GAS7: variants seen among roughly 807,000 people sequenced by gnomAD.
The protein encoded by GAS7 is growth arrest-specific protein 7.
A neutral mutation model predicts 71.1 loss-of-function variants in GAS7; 28 were observed. The ratio of observed to expected loss-of-function variants is 0.39; its 90% CI spans 0.29 to 0.54. The LOEUF (loss-of-function observed/expected upper bound fraction) is 0.54, where lower values mean the gene tolerates loss of function less well. Among genes scored for constraint, GAS7 ranks in the 20% least tolerant of loss-of-function variants. GAS7 has a pLI of 0.62. For missense variants in GAS7, 436 were observed against 627.8 expected (o/e 0.69, Z 3.27); for synonymous variants, 258 against 245.8 (o/e 1.05, Z -0.46).
intron 1 of GAS7, among the ~76,000 whole-genome samples, chr17:10,035,498 C>T (rs1389713510): frequency 6.6e-6 from 1 of 152,188 alleles, no homozygotes; most frequent in African/African-American, 2.4e-5. Flanking sequence ...GGATAACAAG[C>T]ACCATCTCCC....
chr17:10,015,340 TAGAC>T (rs1567541029), intron 2 of GAS7, among the ~76,000 whole-genome samples: 1 of 152,018 alleles, frequency 6.6e-6, no homozygotes, highest in African/African-American at 2.4e-5. Flanking sequence ...GGAAGAAAGG[TAGAC>T]AGACAAAGAG....
intron 11 of GAS7, among the ~76,000 whole-genome samples, chr17:9,923,457 G>A (rs981974546): frequency 6.6e-6 from 1 of 151,834 alleles, no homozygotes; most frequent in South Asian, 2.1e-4. Context: ...AATGAAAAAC[G>A]ATTCATCTCC....
intron 2 of GAS7, among the ~76,000 whole-genome samples, chr17:10,010,887 C>A (rs1472739412): frequency 6.6e-6 from 1 of 152,214 alleles, no homozygotes; most frequent in African/African-American, 2.4e-5. Context: ...CTCAGCTCTA[C>A]AATCTCCGTG....
chr17:10,025,123 C>T (rs1004316574), intron 1 of GAS7, among the ~76,000 whole-genome samples: 5 of 152,030 alleles, frequency 3.3e-5, no homozygotes, highest in African/African-American at 9.7e-5. Flanking sequence ...TATCAGCTGG[C>T]GAGATGCAGT....
chr17:10,009,407 C>G (rs2071671321), intron 2 of GAS7, among the ~76,000 whole-genome samples: 1 of 151,044 alleles, frequency 6.6e-6, no homozygotes, highest in East Asian at 1.9e-4. Flanking sequence ...TGGGAATCCA[C>G]TCATTTAAAG....
intron 1 of GAS7, among the ~76,000 whole-genome samples, chr17:10,098,024 A>G (rs1000076600): frequency 6.8e-5 from 10 of 147,586 alleles, no homozygotes; most frequent in African/African-American, 2.1e-4. Flanking sequence ...AGCCCGGGTG[A>G]CAGAGCAAGA....
At chr17:10,046,346 C>A (rs1446525485) in intron 1 of GAS7, among the ~76,000 whole-genome samples, 1 of 151,324 alleles carries the variant, frequency 6.6e-6, no homozygotes, top group African/African-American at 2.4e-5. Flanking sequence ...CAGGAAATAA[C>A]TCATCCAATC....
At chr17:9,942,383 TGTGA>T (rs2068635010) in intron 7 of GAS7, among the ~76,000 whole-genome samples, 1 of 152,126 alleles carries the variant, frequency 6.6e-6, no homozygotes, top group South Asian at 2.1e-4. Context: ...GCTGTGGGTA[TGTGA>T]GTGTGTGCTG....
At chr17:9,965,997 C>CTT (rs1156705866) in intron 4 of GAS7, among the ~76,000 whole-genome samples, 104 of 122,932 alleles carry the variant, frequency 8.5e-4, no homozygotes, top group Non-Finnish European at 8.6e-4. Flanking sequence ...CCCCAAAATT[C>CTT]TTTTTTTTTT....
chr17:10,133,094 A>G (rs187876668), intron 1 of GAS7, among the ~76,000 whole-genome samples: 140 of 147,590 alleles, frequency 9.5e-4, no homozygotes, highest in Non-Finnish European at 1.8e-3. Flanking sequence ...CTTTTTTCAA[A>G]TTTTATAATT....
intron 2 of GAS7, among the ~76,000 whole-genome samples, chr17:10,007,145 T>C (rs999163000): frequency 6.6e-6 from 1 of 152,218 alleles, no homozygotes; most frequent in Non-Finnish European, 1.5e-5. Context: ...AAATAGGTGG[T>C]GACTGTTAGA....
chr17:10,175,816 C>T (rs910746929), intron 1 of GAS7, among the ~76,000 whole-genome samples: 1 of 152,180 alleles, frequency 6.6e-6, no homozygotes. Context: ...TTTAACTTAC[C>T]TCTTTAAAGA....
rs2072453170 is a variant in GAS7 at position 10,026,068 on chromosome 17, A to T, written c.184-6171T>A. The T allele has an allele frequency of 1.5e-6, 1 of 653,636 alleles. No individual in the cohort carries two copies. Among genetic ancestry groups the T allele is most frequent in the Non-Finnish European group, 1.9e-6 (1 of 526,984 alleles). 40.5% of individuals were successfully genotyped at this position (653,636 alleles called of 1,614,324 possible). ...TCCCTACCGCTCCCACCATGCTTCA[A>T]GCTCAAGTTCAACCCGGATGCCACC... On this transcript the variant is annotated intron_variant, in intron 1 of 13. Transcript: ENST00000432992. This position sits in a 1 kb window ranked among gnomAD's most constrained non-coding sequence, Gnocchi z 4.5.
chr17:10,185,007 A>G (rs1337601871), intron 1 of GAS7, among the ~76,000 whole-genome samples: 1 of 150,126 alleles, frequency 6.7e-6, no homozygotes, highest in Non-Finnish European at 1.5e-5. Flanking sequence ...GCTCACTGCA[A>G]CCTCCACCTC....
chr17:9,972,347 T>G (rs958601270), intron 3 of GAS7, among the ~76,000 whole-genome samples: 2 of 152,158 alleles, frequency 1.3e-5, no homozygotes, highest in African/African-American at 4.8e-5. Context: ...AGGAAAGACA[T>G]GAGCCTGATG....
At chr17:10,036,438 A>G in intron 1 of GAS7, 1 of 1,612,184 alleles carries the variant, frequency 6.2e-7, no homozygotes, top group South Asian at 1.1e-5. Flanking sequence ...TCTTACCATC[A>G]GAGAACAGCT....
intron 1 of GAS7, among the ~76,000 whole-genome samples, chr17:10,122,790 C>T (rs1469075652): frequency 6.6e-6 from 1 of 152,032 alleles, no homozygotes; most frequent in African/African-American, 2.4e-5. Flanking sequence ...TGGGAGACCC[C>T]ATGTTTAAAC....
intron 1 of GAS7, among the ~76,000 whole-genome samples, chr17:10,142,014 G>A (rs1191580525): frequency 6.6e-6 from 1 of 151,956 alleles, no homozygotes; most frequent in African/African-American, 2.4e-5. Flanking sequence ...GGATCACGAG[G>A]TCAGGAGATC....
chr17:9,949,576 A>G (rs2068922935), intron 5 of GAS7, among the ~76,000 whole-genome samples: 2 of 152,036 alleles, frequency 1.3e-5, no homozygotes, highest in African/African-American at 4.8e-5. Context: ...GAAGTCCCCA[A>G]CAAAAGAAGG....
Sources: allele counts gnomAD v4.1 joint callset (sites outside exome capture counted in the v4.1 genomes callset), GRCh38; gene constraint gnomAD v4.1.1; non-coding constraint Gnocchi (gnomAD v3.1); transcripts MANE v1.5; gene names NCBI Gene and HGNC (gene_info 2026-07-23, HGNC 2026-07-21).